PTPRS: variants seen among roughly 807,000 people sequenced by gnomAD.
The protein encoded by PTPRS is receptor-type tyrosine-protein phosphatase S.
Under a neutral mutation model 215.3 loss-of-function variants are expected in PTPRS, and 63 were observed. The ratio of observed to expected loss-of-function variants is 0.29; its 90% CI spans 0.24 to 0.36. The LOEUF (loss-of-function observed/expected upper bound fraction) is 0.36, where lower values mean the gene tolerates loss of function less well. Ranked by LOEUF, PTPRS falls within the 10% of genes least tolerant of loss-of-function variation. The pLI is 1.00. For synonymous variants in PTPRS, 1,404 were observed against 1,191.4 expected, an observed-to-expected ratio of 1.18 and a Z score of -3.68; for missense variants, 2,258 against 2,825.8, an observed-to-expected ratio of 0.80 and a Z score of 4.56.
Position 5,221,098 on chromosome 19 carries a change from G to A in PTPRS, c.3357C>T (p.Phe1119=). The A allele has an allele frequency of 1.2e-6, 2 of 1,614,060 alleles. No individual in the cohort carries two copies. Among genetic ancestry groups the A allele is most frequent in the South Asian group, 2.2e-5 (2 of 91,074 alleles). Residue 1119 remains phenylalanine, a synonymous_variant, in exon 20 of 38, where the codon TTC becomes TTT. Coordinates refer to ENST00000262963, the MANE Select transcript of PTPRS (RefSeq NM_002850.4). ...CGCTGGGCTTGCCGTTGAGCAGGTT[G>A]AAGGCAGTCCAGGCGGTGACCGTCT... The part of the protein sequence containing the change: ...LQQTVTAWTA[F]NLLNGKPSVA...
chr19:5,311,665 G>A lies in PTPRS; in HGVS notation c.-94-25431C>T, dbSNP rs1423935050. Among the ~76,000 whole-genome samples the A allele has an allele frequency of 6.6e-5, 10 of 152,168 alleles. No individual in the cohort carries two copies. The South Asian group carries it at 1.9e-3, about 28-fold the overall frequency. On this transcript the variant is annotated intron_variant, in intron 1 of 37. Transcript: ENST00000262963. ...CATCAAAGCTGTTCAGGGGAGACCC[G>A]AGCTCCCTGGCTGGCGGCTGGGGTG... is the stretch of plus-strand genomic sequence containing the variant.
chr19:5,304,573 C>T (rs928128826), intron 1 of PTPRS, among the ~76,000 whole-genome samples: 16 of 152,116 alleles, frequency 1.1e-4, no homozygotes, highest in African/African-American at 3.4e-4. Context: ...CACTTGAACC[C>T]GGGAGGTGGA....
At chr19:5,273,607 A>C (rs745389400) in intron 3 of PTPRS, 24 bp from the exon 4 acceptor site, 1 of 1,613,872 alleles carries the variant, frequency 6.2e-7, no homozygotes, top group African/African-American at 1.3e-5. Flanking sequence ...GGGAAAAAAG[A>C]ACAGAGTGAG....
intron 1 of PTPRS, among the ~76,000 whole-genome samples, chr19:5,305,222 T>C (rs548595874): frequency 6.6e-6 from 1 of 152,168 alleles, no homozygotes; most frequent in Non-Finnish European, 1.5e-5. Context: ...TTTCCCACCA[T>C]CCAGGCACAC....
chr19:5,284,489 C>T (rs555410673), intron 2 of PTPRS, among the ~76,000 whole-genome samples: 14 of 152,214 alleles, frequency 9.2e-5, no homozygotes, highest in African/African-American at 3.4e-4. Context: ...GGCGCTTCAG[C>T]CCATCTTTCT....
intron 1 of PTPRS, among the ~76,000 whole-genome samples, chr19:5,303,065 G>A (rs747942048): frequency 1.6e-4 from 25 of 152,004 alleles, no homozygotes; most frequent in Non-Finnish European, 2.6e-4. Context: ...GAGAGACCCC[G>A]TCTCAAAAAC....
At chr19:5,207,578 G>A (rs1006774109) in intron 37 of PTPRS, among the ~76,000 whole-genome samples, 1 of 152,196 alleles carries the variant, frequency 6.6e-6, no homozygotes, top group African/African-American at 2.4e-5. Flanking sequence ...CTTGAAGCTA[G>A]GAGTCTGGGC....
intron 1 of PTPRS, among the ~76,000 whole-genome samples, chr19:5,319,845 C>A (rs2049978257): frequency 6.6e-6 from 1 of 152,084 alleles, no homozygotes; most frequent in South Asian, 2.1e-4. Flanking sequence ...GCCGTCCCTA[C>A]AGCCCCATTA....
At chr19:5,231,246 A>C (rs1160861606) in intron 14 of PTPRS, 64 bp downstream of exon 14, 1 of 1,489,160 alleles carries the variant, frequency 6.7e-7, no homozygotes, top group African/African-American at 1.4e-5. Flanking sequence ...TCCAGATGGA[A>C]GGCTTCGAGG....
At chr19:5,327,821 G>C (rs971000271) in intron 1 of PTPRS, among the ~76,000 whole-genome samples, 1 of 151,814 alleles carries the variant, frequency 6.6e-6, no homozygotes, top group Non-Finnish European at 1.5e-5. Flanking sequence ...GGTTGGACTC[G>C]ATCTCCTAGC....
chr19:5,225,658 G>A, intron 17 of PTPRS, 69 bp downstream of exon 17: 1 of 1,331,370 alleles, frequency 7.5e-7, no homozygotes, highest in East Asian at 2.3e-5. Flanking sequence ...CAAGGACTCT[G>A]GAGTCACGCT....
intron 4 of PTPRS, among the ~76,000 whole-genome samples, chr19:5,272,908 G>C (rs890256651): frequency 6.6e-6 from 1 of 152,140 alleles, no homozygotes; most frequent in Non-Finnish European, 1.5e-5. Flanking sequence ...CTCCAGGTAG[G>C]AGTCTAGCCA....
chr19:5,256,228 CAATAGTTTGTTG>C, intron 8 of PTPRS, 109 bp from the exon 9 acceptor site: 1 of 744,378 alleles, frequency 1.3e-6, no homozygotes, highest in South Asian at 3.9e-5. Context: ...CTAAAAGCTG[CAATAGTTTGTTG>C]TTTTTTTTTT....
intron 1 of PTPRS, among the ~76,000 whole-genome samples, chr19:5,299,378 T>G (rs747563104): frequency 1.3e-5 from 2 of 152,244 alleles, no homozygotes; most frequent in Non-Finnish European, 2.9e-5. Flanking sequence ...AGGCTATGCC[T>G]CTGCCTGGAA....
At chr19:5,208,648 C>T (rs2040588008) in intron 35 of PTPRS, among the ~76,000 whole-genome samples, 1 of 152,018 alleles carries the variant, frequency 6.6e-6, no homozygotes, top group African/African-American at 2.4e-5. Context: ...AGGCCCGGCC[C>T]TCACCCCCAT....
intron 9 of PTPRS, among the ~76,000 whole-genome samples, chr19:5,249,460 A>G (rs941088169): frequency 6.6e-6 from 1 of 152,264 alleles, no homozygotes; most frequent in African/African-American, 2.4e-5. Context: ...ACAGAGACTC[A>G]GAGAGGTGAC....
intron 9 of PTPRS, among the ~76,000 whole-genome samples, chr19:5,251,321 G>A (rs920062925): frequency 7.3e-5 from 11 of 151,494 alleles, no homozygotes; most frequent in African/African-American, 2.7e-4. Flanking sequence ...CACTGAGGTA[G>A]CGTGCAAGGC....
At position 5,229,646 on chromosome 19, in the gene PTPRS, G is replaced by A; in HGVS notation, c.2194C>T (p.Leu732Phe). The change falls in exon 15 of 38, where the codon CTC becomes TTC. Residue 732 changes from leucine (L) to phenylalanine (F), a missense_variant. Leu to Phe is a conservative substitution (Grantham distance 22). Coordinates refer to ENST00000262963, the MANE Select transcript of PTPRS (RefSeq NM_002850.4). The part of the protein sequence containing the change: ...APPRKVEAEA[L>F]NATAIRVLWR... Reference sequence around the variant, plus strand: ...AGCACGCGGATGGCCGTGGCGTTGAGCGCCTCCGCCTCCACCTTCCGCGGC... The same window carrying A: ...AGCACGCGGATGGCCGTGGCGTTGAACGCCTCCGCCTCCACCTTCCGCGGC... 2.3e-6 allele frequency: 3 copies of A among 1,325,738 alleles called. No homozygotes were observed. The highest frequency in any genetic ancestry group is 2.9e-6 in the Non-Finnish European group (3 of 1,043,760). The allele number at this position is 1,325,738 out of a possible 1,614,324, so 82.1% of individuals were successfully genotyped here.
chr19:5,308,969 G>T (rs1249645758), intron 1 of PTPRS, among the ~76,000 whole-genome samples: 1 of 152,210 alleles, frequency 6.6e-6, no homozygotes, highest in African/African-American at 2.4e-5. Context: ...GGAGGCAAAA[G>T]GAACCCTGGG....
Sources: allele counts gnomAD v4.1 joint callset (sites outside exome capture counted in the v4.1 genomes callset), GRCh38; gene constraint gnomAD v4.1.1; transcripts MANE v1.5; gene names NCBI Gene and HGNC (gene_info 2026-07-23, HGNC 2026-07-21).